Variants in CCSER1 observed in about 807,000 individuals in gnomAD.
CCSER1 encodes serine-rich coiled-coil domain-containing protein 1.
In CCSER1, 41 loss-of-function variants were observed where a neutral mutation model predicts 82.0. The ratio of observed to expected loss-of-function variants is 0.50; its 90% CI spans 0.39 to 0.65. CCSER1 has a LOEUF of 0.65. CCSER1 is among the 30% of genes least tolerant of loss of function. The pLI, the probability that CCSER1 is intolerant of heterozygous loss-of-function variation, is 0.00. For synonymous variants in CCSER1, 414 were observed against 383.9 expected (o/e 1.08, Z -0.92); for missense variants, 1,119 against 1,064.2 (o/e 1.05, Z -0.72).
intron 10 of CCSER1, among the ~76,000 whole-genome samples, chr4:91,544,646 T>A (rs1230242427): frequency 6.6e-6 from 1 of 152,202 alleles, no homozygotes; most frequent in Non-Finnish European, 1.5e-5. Flanking sequence ...GAAAGGCAAG[T>A]GTTGCTGCCT....
intron 5 of CCSER1, among the ~76,000 whole-genome samples, chr4:90,584,637 C>G (rs1292956980): frequency 6.6e-6 from 1 of 152,134 alleles, no homozygotes; most frequent in East Asian, 1.9e-4. Flanking sequence ...TGATAGAAGA[C>G]TAATACGCTT....
intron 10 of CCSER1, among the ~76,000 whole-genome samples, chr4:91,156,953 T>C (rs1265454261): frequency 6.6e-6 from 1 of 151,998 alleles, no homozygotes; most frequent in Non-Finnish European, 1.5e-5. Flanking sequence ...CTTCCATCTC[T>C]ATATTTTCTT....
intron 6 of CCSER1, among the ~76,000 whole-genome samples, chr4:90,706,169 A>C (rs1286644102): frequency 6.6e-6 from 1 of 152,174 alleles, no homozygotes; most frequent in East Asian, 1.9e-4. Context: ...GTGAGAAATA[A>C]ATTTCCGTTG....
At chr4:90,675,356 G>A (rs1338189260) in intron 6 of CCSER1, among the ~76,000 whole-genome samples, 3 of 151,654 alleles carry the variant, frequency 2.0e-5, no homozygotes, top group African/African-American at 7.3e-5. Flanking sequence ...GCTTTGTAAG[G>A]ATGCAAGAAA....
intron 10 of CCSER1, among the ~76,000 whole-genome samples, chr4:91,184,158 A>G (rs372949805): frequency 1.5e-4 from 23 of 152,338 alleles, no homozygotes; most frequent in African/African-American, 4.6e-4. Context: ...CACAAAATAT[A>G]TCATCCATAT....
At chr4:91,531,915 A>T (rs1015800200) in intron 10 of CCSER1, among the ~76,000 whole-genome samples, 1 of 152,130 alleles carries the variant, frequency 6.6e-6, no homozygotes, top group Non-Finnish European at 1.5e-5. Flanking sequence ...GTCTCACTAT[A>T]TTGCCCAGGC....
intron 1 of CCSER1, among the ~76,000 whole-genome samples, chr4:90,254,044 C>G (rs1013422670): frequency 6.6e-6 from 1 of 152,092 alleles, no homozygotes; most frequent in Non-Finnish European, 1.5e-5. Context: ...TGGGAATGCT[C>G]TTTAGTTGTG....
At chr4:91,149,702 G>T (rs1729945545) in intron 10 of CCSER1, among the ~76,000 whole-genome samples, 1 of 152,192 alleles carries the variant, frequency 6.6e-6, no homozygotes, top group Non-Finnish European at 1.5e-5. Context: ...CATATGACTA[G>T]CCAGTTTTCC....
chr4:90,832,438 T>TA (rs1761239438), intron 8 of CCSER1, among the ~76,000 whole-genome samples: 1 of 152,108 alleles, frequency 6.6e-6, no homozygotes, highest in Non-Finnish European at 1.5e-5. Context: ...GTCTACTTCT[T>TA]AAAAAACTAA....
intron 6 of CCSER1, among the ~76,000 whole-genome samples, chr4:90,690,935 C>G (rs571784473): frequency 6.6e-6 from 1 of 152,152 alleles, no homozygotes; most frequent in South Asian, 2.1e-4. Flanking sequence ...AGTGAGACAT[C>G]TAATTTCATT....
rs1240583017 is a variant in CCSER1, at chr4:91,013,546, A to ATT, written c.2173-72403_2173-72402insTT. ...TCTTTCTCAAGACATATATATATAT[A>ATT]TATTTTTTTGCTAGTCTGTCTGTTT... On this transcript the variant is annotated intron_variant, in intron 9 of 10. Coordinates refer to ENST00000509176, the MANE Select transcript of CCSER1 (RefSeq NM_001145065.2). Among the ~76,000 whole-genome samples the ATT allele has an allele frequency of 1.2e-4, 15 of 120,346 alleles. 4 individuals are homozygous for ATT. In the South Asian group the frequency reaches 3.6e-3, roughly 29 times the overall value. The allele number at this position is 120,346 out of a possible 152,430, so 79.0% of individuals were successfully genotyped here. A position where few individuals can be genotyped will look rare whatever the true frequency, so the allele number is the denominator to read the frequency against.
chr4:90,741,559 A>G (rs1252012862), intron 7 of CCSER1, among the ~76,000 whole-genome samples: 3 of 152,234 alleles, frequency 2.0e-5, no homozygotes, highest in Admixed American at 1.3e-4. Flanking sequence ...TTTTGATATA[A>G]TATCATTATC....
chr4:91,464,865 G>C (rs1171972481), intron 10 of CCSER1, among the ~76,000 whole-genome samples: 1 of 152,180 alleles, frequency 6.6e-6, no homozygotes, highest in South Asian at 2.1e-4. Context: ...CAAGTCGTTA[G>C]AGACCTACAA....
At chr4:90,831,622 T>C (rs1439418620) in intron 8 of CCSER1, among the ~76,000 whole-genome samples, 1 of 152,178 alleles carries the variant, frequency 6.6e-6, no homozygotes, top group Non-Finnish European at 1.5e-5. Context: ...GAACTTAAGG[T>C]TGGATGAATA....
At chr4:91,238,129 G>C (rs1739160570) in intron 10 of CCSER1, among the ~76,000 whole-genome samples, 1 of 152,068 alleles carries the variant, frequency 6.6e-6, no homozygotes, top group African/African-American at 2.4e-5. Flanking sequence ...TCACTCCCTT[G>C]ATTGGGTTAC....
intron 10 of CCSER1, among the ~76,000 whole-genome samples, chr4:91,491,091 A>G (rs1267576010): frequency 6.6e-6 from 1 of 151,062 alleles, no homozygotes; most frequent in Non-Finnish European, 1.5e-5. Context: ...CACTTTACAA[A>G]TGAAGGAAAC....
chr4:91,024,088 A>C (rs1740267716), intron 9 of CCSER1, among the ~76,000 whole-genome samples: 1 of 152,144 alleles, frequency 6.6e-6, no homozygotes, highest in South Asian at 2.1e-4. Context: ...TCTTCCTCTT[A>C]TAAAGCCACG....
intron 10 of CCSER1, among the ~76,000 whole-genome samples, chr4:91,382,098 C>A (rs149304991): frequency 0.02 from 2,984 of 152,242 alleles, 76 homozygotes; most frequent in African/African-American, 0.067. Context: ...AATGTTGCTG[C>A]CTAGTCGTTC....
intron 7 of CCSER1, among the ~76,000 whole-genome samples, chr4:90,760,580 ATAC>A (rs1750270605): frequency 6.6e-6 from 1 of 152,236 alleles, no homozygotes; most frequent in Middle Eastern, 3.4e-3. Flanking sequence ...TATGATAATA[ATAC>A]TAGTAAAAAA....
Sources: allele counts gnomAD v4.1 joint callset (sites outside exome capture counted in the v4.1 genomes callset), GRCh38; gene constraint gnomAD v4.1.1; transcripts MANE v1.5; gene names NCBI Gene and HGNC (gene_info 2026-07-23, HGNC 2026-07-21).